Variants in CHST11 observed in about 807,000 individuals in gnomAD.
CHST11 encodes the protein C4S-1.
CHST11 carries 9 observed loss-of-function variants against 30.4 expected under a neutral mutation model. The observed-to-expected ratio is 0.30, with a 90% CI of 0.18 to 0.52. The LOEUF is 0.52. CHST11 is among the 20% of genes least tolerant of loss of function. The probability of loss-of-function intolerance (pLI) is 0.97; values close to 1 mark genes in which losing one functional copy is unlikely to be tolerated. For missense variants in CHST11, 348 were observed against 460.6 expected (o/e 0.76, Z 2.24); for synonymous variants, 152 against 187.8 (o/e 0.81, Z 1.56).
chr12:104,711,384 C>T (rs752925431), intron 2 of CHST11, among the ~76,000 whole-genome samples: 4 of 152,140 alleles, frequency 2.6e-5, no homozygotes, highest in African/African-American at 7.2e-5. Flanking sequence ...AGAAAGCTGA[C>T]GTTTCAGCGT....
chr12:104,629,962 A>G (rs1417515225), intron 2 of CHST11, among the ~76,000 whole-genome samples: 2 of 152,218 alleles, frequency 1.3e-5, no homozygotes, highest in Non-Finnish European at 2.9e-5. Flanking sequence ...CTTATTTTAT[A>G]ATAAAGTTAT....
intron 2 of CHST11, among the ~76,000 whole-genome samples, chr12:104,615,632 G>A (rs1592795355): frequency 6.6e-6 from 1 of 152,128 alleles, no homozygotes; most frequent in East Asian, 1.9e-4. Flanking sequence ...CTTGTAAAAT[G>A]AGAATAAGAA....
intron 2 of CHST11, among the ~76,000 whole-genome samples, chr12:104,664,979 A>G (rs903094937): frequency 1.3e-5 from 2 of 152,218 alleles, no homozygotes; most frequent in African/African-American, 4.8e-5. Flanking sequence ...TGTGGCCAAC[A>G]CCCGGGCTAT....
chr12:104,525,204 G>A (rs1194051173), intron 1 of CHST11, among the ~76,000 whole-genome samples: 3 of 151,356 alleles, frequency 2.0e-5, no homozygotes, highest in Admixed American at 2.0e-4. Flanking sequence ...GGGTTCAAGT[G>A]ATCCTAGAAC....
intron 1 of CHST11, among the ~76,000 whole-genome samples, chr12:104,492,441 C>T (rs546553357): frequency 3.7e-4 from 56 of 152,294 alleles, no homozygotes; most frequent in Middle Eastern, 3.4e-3. Flanking sequence ...TCCATTTCCC[C>T]GAACCAGAAT....
chr12:104,669,811 T>A (rs1339391661), intron 2 of CHST11, among the ~76,000 whole-genome samples: 1 of 152,204 alleles, frequency 6.6e-6, no homozygotes, highest in African/African-American at 2.4e-5. Flanking sequence ...AGCCTGCCCG[T>A]GTCCAGATCC....
chr12:104,528,395 C>T (rs915036518), intron 1 of CHST11, among the ~76,000 whole-genome samples: 2 of 152,198 alleles, frequency 1.3e-5, no homozygotes, highest in Non-Finnish European at 2.9e-5. Context: ...GATTTTTCTT[C>T]AGGTGCTCAA....
At position 104,676,571 on chromosome 12, in the gene CHST11, C is replaced by A. The variant is rs533566148; in HGVS notation, c.204+74580C>A. ...CCGGGACTGCAGACATGTGCCACCA[C>A]GCCTGGCTAATTTTTGTATTTTTAG... On this transcript the variant is annotated intron_variant, in intron 2 of 2. Coordinates refer to ENST00000303694, the MANE Select transcript of CHST11 (RefSeq NM_018413.6). This position sits in a 1 kb window ranked among gnomAD's most constrained non-coding sequence, Gnocchi z 4.4. Among the ~76,000 whole-genome samples the A allele has an allele frequency of 6.6e-6, 1 of 152,210 alleles. No individual in the cohort carries two copies. The highest frequency in any genetic ancestry group is 1.5e-5 in the Non-Finnish European group (1 of 68,036).
chr12:104,704,085 A>G (rs2040012797), intron 2 of CHST11, among the ~76,000 whole-genome samples: 1 of 152,182 alleles, frequency 6.6e-6, no homozygotes, highest in African/African-American at 2.4e-5. Context: ...ACGTTCGTCG[A>G]ACGGAAGGTG....
chr12:104,478,337 C>T (rs558938182), intron 1 of CHST11, among the ~76,000 whole-genome samples: 2 of 151,998 alleles, frequency 1.3e-5, no homozygotes, highest in Admixed American at 1.3e-4. Flanking sequence ...TACCAGAGAC[C>T]CCAAAATACA....
chr12:104,510,273 C>T (rs1408389970), intron 1 of CHST11, among the ~76,000 whole-genome samples: 2 of 152,168 alleles, frequency 1.3e-5, no homozygotes, highest in African/African-American at 4.8e-5. Flanking sequence ...CCAATCTTAA[C>T]CAAACCCTGC....
At chr12:104,534,999 T>A (rs2038223402) in intron 1 of CHST11, among the ~76,000 whole-genome samples, 1 of 152,210 alleles carries the variant, frequency 6.6e-6, no homozygotes, top group Non-Finnish European at 1.5e-5. Flanking sequence ...GCCTGACACA[T>A]TTATATTTCT....
intron 2 of CHST11, among the ~76,000 whole-genome samples, chr12:104,632,107 C>G (rs1032472561): frequency 6.6e-6 from 1 of 152,166 alleles, no homozygotes; most frequent in Non-Finnish European, 1.5e-5. Flanking sequence ...AGAGCCCCGT[C>G]CCCGAGGTGT....
At chr12:104,463,351 G>C (rs2037427426) in intron 1 of CHST11, among the ~76,000 whole-genome samples, 1 of 152,150 alleles carries the variant, frequency 6.6e-6, no homozygotes, top group Non-Finnish European at 1.5e-5. Context: ...AGGGGAGGCA[G>C]TTCTTCCTAT....
At chr12:104,503,168 C>T (rs922162137) in intron 1 of CHST11, among the ~76,000 whole-genome samples, 20 of 152,272 alleles carry the variant, frequency 1.3e-4, no homozygotes, top group East Asian at 1.2e-3. Context: ...CAGGGTGGTG[C>T]GCGACATTGC....
rs192547937 is a variant in CHST11 at position 104,604,440 on chromosome 12, C to T, written c.204+2449C>T. ...TTCTTAGGCTGGTTTCCTTTACAAG[C>T]TGCAATTATGTTCCATCCCACGCAA... On this transcript the variant is annotated intron_variant, in intron 2 of 2. Coordinates refer to ENST00000303694, the MANE Select transcript of CHST11 (RefSeq NM_018413.6). 3.3e-3 allele frequency among the ~76,000 whole-genome samples: 499 copies of T among 152,274 alleles called. 15 individuals are homozygous for T. The highest frequency in any genetic ancestry group is 0.028 in the Admixed American group (424 of 15,288).
At chr12:104,695,426 A>C (rs1012621976) in intron 2 of CHST11, among the ~76,000 whole-genome samples, 3 of 147,852 alleles carry the variant, frequency 2.0e-5, no homozygotes, top group Non-Finnish European at 3.0e-5. Context: ...ACTCATGAAA[A>C]CACAATTCAC....
chr12:104,457,886 G>A (rs376256906), intron 1 of CHST11, among the ~76,000 whole-genome samples: 189 of 151,978 alleles, frequency 1.2e-3, no homozygotes, highest in African/African-American at 4.4e-3. Context: ...AGCAACCGGG[G>A]GTGAGGGGCT....
intron 2 of CHST11, among the ~76,000 whole-genome samples, chr12:104,702,337 T>C (rs1460550712): frequency 6.6e-6 from 1 of 152,198 alleles, no homozygotes; most frequent in African/African-American, 2.4e-5. Flanking sequence ...CTCTCAACAA[T>C]TCTGTGAGAC....
Sources: gnomAD v4.1 joint callset for allele counts (sites outside exome capture counted in the v4.1 genomes callset) on GRCh38, gnomAD v4.1.1 for gene constraint, Gnocchi (gnomAD v3.1) non-coding constraint, MANE v1.5 for transcripts, NCBI Gene and HGNC (gene_info 2026-07-23, HGNC 2026-07-21) for gene names.